The following MTRF1 variants were observed in gnomAD, a reference collection of about 807,000 sequenced individuals.
MTRF1 encodes mitochondrial translation release factor 1, also known as peptide chain release factor 1, mitochondrial.
In MTRF1, 51 loss-of-function variants were observed where a neutral mutation model predicts 62.9. The observed-to-expected ratio is 0.81, with a 90% CI of 0.65 to 1.02. The LOEUF (loss-of-function observed/expected upper bound fraction) is 1.02. Ranked by LOEUF, MTRF1 falls within the 50% of genes least tolerant of loss-of-function variation. The pLI is 0.00. For synonymous variants in MTRF1, 158 were observed against 181.9 expected, an observed-to-expected ratio of 0.87 and a Z score of 1.06; for missense variants, 446 against 530.0, an observed-to-expected ratio of 0.84 and a Z score of 1.56.
the MTRF1 span, among the ~76,000 whole-genome samples, chr13:41,288,854 A>T: frequency 2.0e-5 from 3 of 152,200 alleles, no homozygotes; most frequent in African/African-American, 7.2e-5. Context: ...TCAATAATGC[A>T]TTTGGTTCAG....
the MTRF1 span, among the ~76,000 whole-genome samples, chr13:41,285,563 A>G: frequency 0.88 from 133,185 of 152,116 alleles, 58,439 homozygotes; most frequent in South Asian, 0.91. Flanking sequence ...TCCCATCTTG[A>G]TCAAAGTTCT....
At chr13:41,221,435 G>T (rs1200804296) in intron 9 of MTRF1, among the ~76,000 whole-genome samples, 1 of 152,068 alleles carries the variant, frequency 6.6e-6, no homozygotes, top group East Asian at 1.9e-4. Flanking sequence ...GGGGATTACA[G>T]GCGTGAGCCA....
At chr13:41,238,191 G>A (rs2036971640) in intron 6 of MTRF1, among the ~76,000 whole-genome samples, 1 of 152,128 alleles carries the variant, frequency 6.6e-6, no homozygotes, top group African/African-American at 2.4e-5. Context: ...AAATGAACCA[G>A]GCTGACTCTA....
upstream of MTRF1, among the ~76,000 whole-genome samples, chr13:41,267,405 T>A (rs2040853324): frequency 6.6e-6 from 1 of 152,212 alleles, no homozygotes; most frequent in Admixed American, 6.5e-5. Context: ...AAGTTATGTC[T>A]TTTAAAATAT....
intron 7 of MTRF1, among the ~76,000 whole-genome samples, chr13:41,233,249 A>G (rs928491849): frequency 6.6e-6 from 1 of 152,196 alleles, no homozygotes; most frequent in African/African-American, 2.4e-5. Context: ...AAAAGAATTT[A>G]AAGTGGTTGT....
chr13:41,285,575 G>A, the MTRF1 span, among the ~76,000 whole-genome samples: 2 of 152,118 alleles, frequency 1.3e-5, no homozygotes, highest in Non-Finnish European at 2.9e-5. Flanking sequence ...CAAAGTTCTG[G>A]TTTATTGAAG....
the MTRF1 span, among the ~76,000 whole-genome samples, chr13:41,273,198 C>A: frequency 6.6e-6 from 1 of 151,764 alleles, no homozygotes. Flanking sequence ...TGGTGGTGGG[C>A]GCCTGTAGTC....
chr13:41,237,644 G>A (rs1855120324), intron 6 of MTRF1, among the ~76,000 whole-genome samples: 1 of 151,896 alleles, frequency 6.6e-6, no homozygotes, highest in African/African-American at 2.4e-5. Context: ...CTACAGGCAC[G>A]CGCCACCACA....
chr13:41,254,586 T>A lies in MTRF1; in HGVS notation c.450A>T (p.Glu150Asp). The A allele has an allele frequency of 4.3e-6, 7 of 1,613,672 alleles. No individual in the cohort carries two copies. Among genetic ancestry groups the A allele is most frequent in the Non-Finnish European group, 5.9e-6 (7 of 1,179,810 alleles). ...TGGTTTGCCTTTCTTCCAGTGCAAG[T>A]TCTTGTAACTGCTTTTCATCTTGTT... ...LNKQDEKQLQ[E>D]LALEERQTID... Residue 150 changes from glutamate to aspartate, a missense_variant, in exon 3 of 10, where the codon GAA becomes GAT. Coordinates refer to ENST00000379480, the MANE Select transcript of MTRF1 (RefSeq NM_004294.4).
chr13:41,220,340 A>AG (rs1404083416), intron 9 of MTRF1, among the ~76,000 whole-genome samples: 3 of 151,624 alleles, frequency 2.0e-5, no homozygotes, highest in Non-Finnish European at 4.4e-5. Flanking sequence ...AAAAAAAAAA[A>AG]AAAAAACAGG....
intron 3 of MTRF1, among the ~76,000 whole-genome samples, chr13:41,253,752 A>C (rs982408148): frequency 2.0e-5 from 3 of 152,250 alleles, no homozygotes; most frequent in Non-Finnish European, 4.4e-5. Context: ...AATATGAGAC[A>C]GACTGAGAGT....
chr13:41,245,935 C>T (rs551829102), intron 5 of MTRF1, among the ~76,000 whole-genome samples: 25 of 152,116 alleles, frequency 1.6e-4, no homozygotes, highest in Non-Finnish European at 2.5e-4. Flanking sequence ...CCCAGCAGTC[C>T]TTCCTCAGTG....
intron 7 of MTRF1, among the ~76,000 whole-genome samples, chr13:41,233,479 TCA>T (rs1346388980): frequency 6.6e-6 from 1 of 152,190 alleles, no homozygotes; most frequent in African/African-American, 2.4e-5. Flanking sequence ...CAAAACTACC[TCA>T]GAGTATACCA....
intron 4 of MTRF1, 36 bp downstream of exon 4, chr13:41,252,913 T>G (rs2039254992): frequency 6.7e-7 from 1 of 1,503,248 alleles, no homozygotes; most frequent in Admixed American, 1.9e-5. Flanking sequence ...TCAAGGACTT[T>G]TTAGATCATT....
the MTRF1 span, among the ~76,000 whole-genome samples, chr13:41,284,357 C>T: frequency 4.6e-5 from 7 of 150,988 alleles, no homozygotes; most frequent in South Asian, 1.1e-3. Flanking sequence ...ATTAGCCAGG[C>T]CTGTAATCCC....
chr13:41,218,738 T>C (rs1213024283), intron 9 of MTRF1, among the ~76,000 whole-genome samples: 6 of 152,160 alleles, frequency 3.9e-5, no homozygotes, highest in Non-Finnish European at 8.8e-5. Flanking sequence ...ACACAAAACA[T>C]TTAGTTTTGA....
At chr13:41,221,633 C>CT (rs377045066) in intron 9 of MTRF1, among the ~76,000 whole-genome samples, 2 of 152,266 alleles carry the variant, frequency 1.3e-5, no homozygotes, top group African/African-American at 4.8e-5. Context: ...TTCCTTATTA[C>CT]TTCTGAGTCT....
intron 7 of MTRF1, among the ~76,000 whole-genome samples, chr13:41,233,617 T>C (rs1228935290): frequency 6.6e-6 from 1 of 152,168 alleles, no homozygotes; most frequent in Non-Finnish European, 1.5e-5. Flanking sequence ...GTTTCATCTG[T>C]ATTTAGGCTG....
rs2297555 is a variant in MTRF1 at position 41,260,608 on chromosome 13, C to T, written c.300G>A (p.Glu100=). The T allele has an allele frequency of 0.7, 1,134,301 of 1,613,830 alleles. 400,268 individuals are homozygous for T. The highest frequency in any genetic ancestry group is 0.74 in the African/African-American group (55,529 of 74,934). ...TTCTGTTCAAGGACCTTCGGTTTTC[C>T]TCATTCACAGGGATATGCTGCAGAC... ...EQCLQHIPVN[E]ENRRSLNRRH... is the part of the protein sequence containing the mutation. The change falls in exon 2 of 10, where the codon GAG becomes GAA. Residue 100 remains glutamate, a synonymous_variant. Transcript: ENST00000379480.
Sources: allele counts gnomAD v4.1 joint callset (sites outside exome capture counted in the v4.1 genomes callset), GRCh38; gene constraint gnomAD v4.1.1; transcripts MANE v1.5; gene names NCBI Gene and HGNC (gene_info 2026-07-23, HGNC 2026-07-21).